CERKL: variants seen among roughly 807,000 people sequenced by gnomAD.
The protein encoded by CERKL is CERK like autophagy regulator.
CERKL carries 61 observed loss-of-function variants against 63.4 expected under a neutral mutation model. The ratio of observed to expected loss-of-function variants is 0.96; its 90% CI spans 0.78 to 1.19. The LOEUF is 1.19. CERKL is among the 50% of genes most tolerant of loss of function. The pLI is 0.00. For missense variants in CERKL, 675 were observed against 655.5 expected (o/e 1.03, Z -0.33); for synonymous variants, 250 against 230.5 (o/e 1.08, Z -0.77).
rs1310146179 is a variant in CERKL, at chr2:181,538,013, C to CTGA, written c.*168_*170dup. The CTGA allele has an allele frequency of 1.5e-6, 1 of 686,870 alleles. No homozygotes were observed. The highest frequency in any genetic ancestry group is 1.8e-5 in the African/African-American group (1 of 56,460). 42.5% of individuals were successfully genotyped at this position (686,870 alleles called of 1,614,324 possible). A position where few individuals can be genotyped will look rare whatever the true frequency, so the allele number is the denominator to read the frequency against. The stretch of plus-strand genomic sequence containing the variant: ...CATGTTCCTCAAGAGAATCTAATGC[C>CTGA]TGATGATCTGAGGTGGAACAGTTCA... On this transcript the variant is annotated 3_prime_UTR_variant, in exon 13 of 13. Transcript: ENST00000410087.
At chr2:181,613,447 T>A (rs1686059513) in intron 1 of CERKL, among the ~76,000 whole-genome samples, 1 of 152,198 alleles carries the variant, frequency 6.6e-6, no homozygotes, top group Admixed American at 6.5e-5. Flanking sequence ...CTGAAAATCC[T>A]TGTAAGGCTC....
intron 1 of CERKL, among the ~76,000 whole-genome samples, chr2:181,632,269 A>T (rs1408186303): frequency 6.6e-6 from 1 of 152,186 alleles, no homozygotes; most frequent in Admixed American, 6.5e-5. Context: ...ATATAGAGGG[A>T]TTAGAGGAAC....
At chr2:181,544,587 T>G in intron 11 of CERKL, 113 bp downstream of exon 11, 1 of 655,788 alleles carries the variant, frequency 1.5e-6, no homozygotes, top group Non-Finnish European at 2.7e-6. Flanking sequence ...ATTAATATAT[T>G]CAGAAGAAAA....
intron 2 of CERKL, among the ~76,000 whole-genome samples, chr2:181,587,923 A>G (rs1684832710): frequency 1.3e-5 from 2 of 152,172 alleles, no homozygotes; most frequent in African/African-American, 4.8e-5. Context: ...CATATGTTCC[A>G]TTATAAAGAG....
chr2:181,548,820 G>A lies in CERKL; in HGVS notation c.933C>T (p.Thr311=), dbSNP rs371048058. The change falls in exon 7 of 13, where the codon ACC becomes ACT. Residue 311 remains threonine, a synonymous_variant. Coordinates refer to ENST00000410087, the MANE Select transcript of CERKL (RefSeq NM_201548.5). Reference sequence around the variant, plus strand: ...ACCCAAAGCGAAGAAGCTTGCCAGCGGTGCTGAAGGTGCAGACGTCGACCA... The same window carrying A: ...ACCCAAAGCGAAGAAGCTTGCCAGCAGTGCTGAAGGTGCAGACGTCGACCA... ...VQLVDVCTFS[T]AGKLLRFGFS... is the part of the protein sequence containing the mutation. The A allele has an allele frequency of 1.4e-5, 22 of 1,613,864 alleles. No individual in the cohort carries two copies. Among genetic ancestry groups the A allele is most frequent in the Admixed American group, 6.7e-5 (4 of 59,972 alleles).
At chr2:181,541,982 AC>A (rs1179399193) in intron 11 of CERKL, among the ~76,000 whole-genome samples, 2 of 152,144 alleles carry the variant, frequency 1.3e-5, no homozygotes, top group African/African-American at 4.8e-5. Context: ...AGATGACAGA[AC>A]CCTTGGGAGT....
intron 2 of CERKL, among the ~76,000 whole-genome samples, chr2:181,592,350 T>C (rs1477122176): frequency 6.6e-6 from 1 of 152,208 alleles, no homozygotes; most frequent in Non-Finnish European, 1.5e-5. Flanking sequence ...ACTATATAAC[T>C]AATATGAGCA....
intron 11 of CERKL, among the ~76,000 whole-genome samples, chr2:181,544,341 C>T (rs1687634555): frequency 6.6e-6 from 1 of 152,168 alleles, no homozygotes; most frequent in Non-Finnish European, 1.5e-5. Context: ...AGTCTGCTGC[C>T]ATAATATCAA....
intron 1 of CERKL, among the ~76,000 whole-genome samples, chr2:181,608,580 G>A (rs1389615571): frequency 6.6e-6 from 1 of 152,132 alleles, no homozygotes; most frequent in African/African-American, 2.4e-5. Flanking sequence ...CTATTCCAAT[G>A]TAAAATATCT....
At chr2:181,578,839 G>A (rs925179598) in intron 2 of CERKL, among the ~76,000 whole-genome samples, 3 of 151,988 alleles carry the variant, frequency 2.0e-5, no homozygotes, top group Admixed American at 2.0e-4. Flanking sequence ...AAATGTTCAG[G>A]TTGTTTCCAA....
chr2:181,561,409 C>CA (rs3060971), intron 4 of CERKL, among the ~76,000 whole-genome samples: 4,019 of 122,938 alleles, frequency 0.033, 128 homozygotes, highest in African/African-American at 0.086. Flanking sequence ...GAATTTATCT[C>CA]AAAAAAAAAA....
chr2:181,600,007 G>A (rs1268521096), intron 2 of CERKL, among the ~76,000 whole-genome samples: 5 of 152,172 alleles, frequency 3.3e-5, no homozygotes, highest in Admixed American at 2.6e-4. Flanking sequence ...GGACTTCTCA[G>A]CAGAAACCTT....
intron 10 of CERKL, 137 bp from the exon 11 acceptor site, chr2:181,544,933 T>C: frequency 3.7e-6 from 2 of 545,050 alleles, no homozygotes; most frequent in Non-Finnish European, 6.5e-6. Context: ...CCATGTTACG[T>C]TTACCTAAAA....
At chr2:181,598,694 C>G (rs2105887017) in intron 2 of CERKL, among the ~76,000 whole-genome samples, 1 of 152,276 alleles carries the variant, frequency 6.6e-6, no homozygotes, top group African/African-American at 2.4e-5. Flanking sequence ...CTTCTGCACC[C>G]TCAGCCCCAC....
intron 4 of CERKL, chr2:181,565,568 CTTATTGTTTCTGGAA>C: frequency 8.4e-7 from 1 of 1,189,090 alleles, no homozygotes; most frequent in Non-Finnish European, 1.2e-6. Context: ...AAAATTATTT[CTTATTGTTTCTGGAA>C]ATAATGTATT....
intron 12 of CERKL, 61 bp downstream of exon 12, chr2:181,539,031 C>T (rs535800509): frequency 2.7e-5 from 33 of 1,221,428 alleles, no homozygotes; most frequent in Admixed American, 1.9e-4. Flanking sequence ...AGAGAGCTTT[C>T]GTTGTAATAT....
At chr2:181,560,796 G>A (rs931764720) in intron 4 of CERKL, among the ~76,000 whole-genome samples, 1 of 152,036 alleles carries the variant, frequency 6.6e-6, no homozygotes, top group Non-Finnish European at 1.5e-5. Flanking sequence ...AGCCTTATGA[G>A]AATCTTATTA....
intron 5 of CERKL, among the ~76,000 whole-genome samples, chr2:181,557,480 C>T (rs1036298535): frequency 6.6e-6 from 1 of 152,144 alleles, no homozygotes; most frequent in African/African-American, 2.4e-5. Flanking sequence ...TTTCCCAGCA[C>T]CGTTCGTTAA....
At position 181,644,206 on chromosome 2, in the gene CERKL, T is replaced by C. The variant is rs1017510689; in HGVS notation, c.238+12563A>G. Among the ~76,000 whole-genome samples, 3 of 152,210 alleles carry C rather than the reference T, an allele frequency of 2.0e-5. No individual in the cohort carries two copies. In the South Asian group the frequency reaches 6.2e-4, roughly 32 times the overall value. ...CCAGTCCCTGGCACCATACTGGGGG[T>C]TGGCCCCACTGGGCACAGCACTTGA... On this transcript the variant is annotated intron_variant, in intron 1 of 12. Transcript: ENST00000410087.
Sources: allele counts gnomAD v4.1 joint callset (sites outside exome capture counted in the v4.1 genomes callset), GRCh38; gene constraint gnomAD v4.1.1; transcripts MANE v1.5; gene names NCBI Gene and HGNC (gene_info 2026-07-23, HGNC 2026-07-21).